FBN3: variants seen among roughly 807,000 people sequenced by gnomAD.
FBN3 encodes fibrillin 3.
FBN3 carries 234 observed loss-of-function variants against 330.1 expected under a neutral mutation model. That is an observed-to-expected ratio of 0.71 (90% confidence interval 0.64 to 0.79). FBN3 has a LOEUF of 0.79. Among genes scored for constraint, FBN3 ranks in the 30% least tolerant of loss-of-function variants. The pLI, the probability that FBN3 is intolerant of heterozygous loss-of-function variation, is 0.00. For missense variants in FBN3, 3,606 were observed against 3,886.9 expected (o/e 0.93, Z 1.92); for synonymous variants, 1,458 against 1,517.3 (o/e 0.96, Z 0.91).
rs1225164430 is a variant in FBN3, at chr19:8,143,819, C to CTTTTTTTT, written c.541+1050_541+1057dup. 8.5e-5 allele frequency among the ~76,000 whole-genome samples: 10 copies of CTTTTTTTT among 117,664 alleles called. No individual in the cohort carries two copies. The East Asian group carries it at 2.4e-3, about 29-fold the overall frequency. The allele number at this position is 117,664 out of a possible 152,430, so 77.2% of individuals were successfully genotyped here. A position where few individuals can be genotyped will look rare whatever the true frequency, so the allele number is the denominator to read the frequency against. The stretch of plus-strand genomic sequence containing the variant: ...CTTTTCTTTCTTTCTTTCTTTCTTT[C>CTTTTTTTT]TTTTTTTTTTTTAAGAGACAGAGGG... On this transcript the variant is annotated intron_variant, in intron 6 of 63. Coordinates refer to ENST00000600128, the MANE Select transcript of FBN3 (RefSeq NM_032447.5).
rs67775982 is a variant in FBN3 at position 8,131,189 on chromosome 19, G to A, written c.2044+46C>T. On this transcript the variant is annotated intron_variant, in intron 16 of 63. Coordinates refer to ENST00000600128, the MANE Select transcript of FBN3 (RefSeq NM_032447.5). The surrounding 1 kb of genome is among the most constrained non-coding windows in gnomAD (Gnocchi z 4.5). The stretch of plus-strand genomic sequence containing the variant: ...CCCACCACAGCTCTCCCCACATCTG[G>A]TAGGGGCAGGCTGGCTGCTGTTTGG... 0.2 allele frequency: 315,437 copies of A among 1,574,600 alleles called. 35,419 individuals carry two copies. Among genetic ancestry groups the A allele is most frequent in the South Asian group, 0.35 (30,201 of 86,206 alleles).
chr19:8,084,970 T>G (rs2081902319), intron 56 of FBN3, among the ~76,000 whole-genome samples: 1 of 152,048 alleles, frequency 6.6e-6, no homozygotes. Flanking sequence ...CATTGCAGCC[T>G]CAAATTCCTG....
chr19:8,134,048 A>G (rs1287496873), intron 13 of FBN3, among the ~76,000 whole-genome samples: 1 of 141,838 alleles, frequency 7.1e-6, no homozygotes. Context: ...AACATGGTGA[A>G]ACCCCATCTC....
In FBN3 at chr19:8,096,953, T is replaced by C; in HGVS notation, c.5341A>G (p.Ile1781Val). The change falls in exon 43 of 64, where the codon ATC becomes GTC. Residue 1781 changes from isoleucine (I) to valine (V), a missense_variant. By Grantham distance (29) the Ile-to-Val change is conservative (BLOSUM62 3). Coordinates refer to ENST00000600128, the MANE Select transcript of FBN3 (RefSeq NM_032447.5). The surrounding 1 kb of genome is among the most constrained non-coding windows in gnomAD (Gnocchi z 4.6). ...ESPCQQNADC[I>V]NIPGSYRCKC... ...CAGCGGTAGCTACCGGGGATGTTGA[T>C]GCAGTCAGCATTCTGCTGGCAGGGA... 2 of 1,613,856 alleles carry C rather than the reference T, an allele frequency of 1.2e-6. No individual in the cohort carries two copies. Among genetic ancestry groups the C allele is most frequent in the Non-Finnish European group, 1.7e-6 (2 of 1,180,012 alleles).
intron 8 of FBN3, among the ~76,000 whole-genome samples, chr19:8,140,446 A>G (rs1441173360): frequency 6.6e-6 from 1 of 152,222 alleles, no homozygotes; most frequent in Non-Finnish European, 1.5e-5. Context: ...CCTGGGGGAC[A>G]GAGTAAGAAT....
rs1175798181 is a variant in FBN3, at chr19:8,075,052, C to G, written c.7702+19G>C. ...ATTCTGGTGGAGGGCCCAGCTTCTT[C>G]CCAGCCCTTTTCACTCACCCACACA... On this transcript the variant is annotated intron_variant, in intron 61 of 63. Coordinates refer to ENST00000600128, the MANE Select transcript of FBN3 (RefSeq NM_032447.5). 1.9e-6 allele frequency: 3 copies of G among 1,601,032 alleles called. No individual in the cohort carries two copies.
intron 59 of FBN3, among the ~76,000 whole-genome samples, chr19:8,077,906 G>A (rs899914071): frequency 2.8e-4 from 42 of 152,120 alleles, no homozygotes; most frequent in African/African-American, 9.6e-4. Context: ...GCAAAACCCC[G>A]TCTCTACAAA....
intron 5 of FBN3, among the ~76,000 whole-genome samples, chr19:8,145,405 G>A (rs184283652): frequency 6.9e-6 from 1 of 144,740 alleles, no homozygotes; most frequent in African/African-American, 2.6e-5. Flanking sequence ...AAAGGGCCGG[G>A]CACGGTAGCT....
intron 5 of FBN3, 105 bp from the exon 6 acceptor site, chr19:8,145,077 G>T: frequency 1.9e-6 from 2 of 1,042,468 alleles, no homozygotes; most frequent in Non-Finnish European, 2.9e-6. Flanking sequence ...TCTGGCCCAG[G>T]TTGAATAAGA....
rs748278526 is a variant in FBN3 at position 8,075,359 on chromosome 19, G to T, written c.7506C>A (p.Cys2502Ter). 3 of 1,614,080 alleles carry T rather than the reference G, an allele frequency of 1.9e-6. No homozygotes were observed. The highest frequency in any genetic ancestry group is 2.5e-6 in the Non-Finnish European group (3 of 1,180,040). Residue 2502 changes from cysteine to a stop codon, truncating the protein, a stop_gained, in exon 60 of 64, where the codon TGC (cysteine) becomes TGA (stop). Transcript: ENST00000600128. LOFTEE classifies it high-confidence loss of function. ...AGCGGAAGCTGCCCGGGGTGTTGTG[G>T]CAGTGCCCGTGGGCACCACATGGGC... ...QPGPCGAHGH[C>*]HNTPGSFRCE...
At position 8,129,590 on chromosome 19, in the gene FBN3, AT is replaced by A. The variant is rs2083078529; in HGVS notation, c.2045-226del. The stretch of plus-strand genomic sequence containing the variant: ...TTTGCTGTGAGGGGCCATCCCACGC[AT>A]TTTAGGATGTCGAGCAGCTCCCGTG... On this transcript the variant is annotated intron_variant, in intron 16 of 63. Coordinates refer to ENST00000600128, the MANE Select transcript of FBN3 (RefSeq NM_032447.5). This position sits in a 1 kb window ranked among gnomAD's most constrained non-coding sequence, Gnocchi z 4.5. Among the ~76,000 whole-genome samples, 2 of 152,140 alleles carry A rather than the reference AT, an allele frequency of 1.3e-5. No homozygotes were observed. Among genetic ancestry groups the A allele is most frequent in the South Asian group, 4.1e-4 (2 of 4,824 alleles).
In FBN3 at chr19:8,072,096, G is replaced by A; in HGVS notation, c.8040C>T (p.Gly2680=). 2 of 1,612,486 alleles carry A rather than the reference G, an allele frequency of 1.2e-6. No homozygotes were observed. Among genetic ancestry groups the A allele is most frequent in the South Asian group, 1.1e-5 (1 of 91,030 alleles). ...GTCGTGGCCGGTCCCGAGGGGAGAG[G>A]CCATTGATCTTGCATTCGTAGCAGG... The part of the protein sequence containing the change: ...SEACYECKIN[G]LSPRDRPRRS... The change falls in exon 63 of 64, where the codon GGC becomes GGT. Residue 2680 remains glycine (G), a synonymous_variant. Coordinates refer to ENST00000600128, the MANE Select transcript of FBN3 (RefSeq NM_032447.5).
chr19:8,069,730 C>T (rs2081472277), intron 63 of FBN3, among the ~76,000 whole-genome samples: 1 of 152,168 alleles, frequency 6.6e-6, no homozygotes, highest in Non-Finnish European at 1.5e-5. Context: ...GGACTACAGG[C>T]ACATGGCACC....
intron 37 of FBN3, 135 bp from the exon 38 acceptor site, chr19:8,106,368 A>G (rs2126971): frequency 1 from 809,656 of 812,080 alleles, 403,667 homozygotes; most frequent in Non-Finnish European, 1. Context: ...ATAGACATTT[A>G]AAGGGTCTAT....
chr19:8,084,819 C>T (rs938970036), intron 56 of FBN3, among the ~76,000 whole-genome samples: 4 of 151,550 alleles, frequency 2.6e-5, no homozygotes, highest in Non-Finnish European at 2.9e-5. Flanking sequence ...AACTCCTGAC[C>T]TCAGGTGATC....
Position 8,146,251 on chromosome 19 carries a change from C to G in FBN3, c.251-26G>C, listed in dbSNP as rs147761820. ...CTGGATGAGTGCAGCGGGTGGCAGT[C>G]AAGACCAGGACCGAGCCTGGGCCGT... On this transcript the variant is annotated intron_variant, in intron 3 of 63. Coordinates refer to ENST00000600128, the MANE Select transcript of FBN3 (RefSeq NM_032447.5). 4.3e-3 allele frequency: 6,765 copies of G among 1,565,122 alleles called. 41 individuals carry two copies. Among genetic ancestry groups the G allele is most frequent in the Middle Eastern group, 0.021 (109 of 5,296 alleles).
chr19:8,086,922 C>G (rs934318213), intron 54 of FBN3, among the ~76,000 whole-genome samples, 155 bp downstream of exon 54: 2 of 151,754 alleles, frequency 1.3e-5, no homozygotes, highest in African/African-American at 4.8e-5. Context: ...TTCATTGAAG[C>G]CTCAAATTCC....
Position 8,116,683 on chromosome 19 carries a change from T to C in FBN3, c.3703A>G (p.Thr1235Ala). The change falls in exon 29 of 64, where the codon ACA (threonine) becomes GCA (alanine). Residue 1235 changes from threonine to alanine, a missense_variant. By Grantham distance (58) the Thr-to-Ala change is moderately conservative. Coordinates refer to ENST00000600128, the MANE Select transcript of FBN3 (RefSeq NM_032447.5). ...CGTCCCGGCTCCTCACCAACACATG[T>C]CCTCATGTCTGGCGTGGCCATGAAG... is the stretch of plus-strand genomic sequence containing the variant. ...DGFMATPDMR[T>A]CVDVDECDLN... The C allele has an allele frequency of 1.9e-6, 3 of 1,613,478 alleles. No homozygotes were observed. Among genetic ancestry groups the C allele is most frequent in the East Asian group, 4.5e-5 (2 of 44,852 alleles).
At chr19:8,070,301 T>C (rs888976500) in intron 63 of FBN3, among the ~76,000 whole-genome samples, 1 of 152,216 alleles carries the variant, frequency 6.6e-6, no homozygotes, top group African/African-American at 2.4e-5. Context: ...ATTTGTCATG[T>C]GTTATAAAAG....
Sources: gnomAD v4.1 joint callset for allele counts (sites outside exome capture counted in the v4.1 genomes callset) on GRCh38, gnomAD v4.1.1 for gene constraint, Gnocchi (gnomAD v3.1) non-coding constraint, MANE v1.5 for transcripts, NCBI Gene and HGNC (gene_info 2026-07-23, HGNC 2026-07-21) for gene names.